The following FARP2 variants were observed in gnomAD, a reference collection of about 807,000 sequenced individuals.
The protein encoded by FARP2 is FERM, ARH/RhoGEF and pleckstrin domain protein 2.
In FARP2, 111 loss-of-function variants were observed where a neutral mutation model predicts 130.5. That is an observed-to-expected ratio of 0.85 (90% CI 0.73 to 1.00). The LOEUF (loss-of-function observed/expected upper bound fraction) is 1.00, where lower values mean the gene tolerates loss of function less well. Among genes scored for constraint, FARP2 ranks in the 50% least tolerant of loss-of-function variants. FARP2 has a pLI of 0.00. For synonymous variants in FARP2, 504 were observed against 516.9 expected (o/e 0.98, Z 0.34); for missense variants, 1,385 against 1,346.3 (o/e 1.03, Z -0.45).
At chr2:241,407,404 A>G (rs2062389087) in intron 4 of FARP2, 133 bp from the exon 5 acceptor site, 1 of 680,934 alleles carries the variant, frequency 1.5e-6, no homozygotes, top group African/African-American at 1.8e-5. Context: ...AAATTTCTTA[A>G]TATCATATTA....
intron 13 of FARP2, chr2:241,443,479 T>G (rs1223403532): frequency 6.6e-6 from 1 of 152,288 alleles, no homozygotes; most frequent in Non-Finnish European, 1.5e-5. Flanking sequence ...CCCAGGACAA[T>G]GGGAAGGGTC....
Position 241,491,192 on chromosome 2 carries a change from C to A in FARP2, c.2623+13C>A, listed in dbSNP as rs1304923499. The A allele has an allele frequency of 2.5e-6, 4 of 1,581,736 alleles. No individual in the cohort carries two copies. Among genetic ancestry groups the A allele is most frequent in the Non-Finnish European group, 3.5e-6 (4 of 1,151,468 alleles). On this transcript the variant is annotated intron_variant, in intron 23 of 26. Coordinates refer to ENST00000264042, the MANE Select transcript of FARP2 (RefSeq NM_014808.4). The stretch of plus-strand genomic sequence containing the variant: ...ACTCGTCCCCCCAGTGAGTGCTGGC[C>A]ACAACCCCCCAGGAGACCTCCACTA...
intron 7 of FARP2, 106 bp downstream of exon 7, chr2:241,413,527 A>G: frequency 2.5e-6 from 2 of 801,508 alleles, no homozygotes; most frequent in Non-Finnish European, 4.0e-6. Flanking sequence ...TTCTAACATA[A>G]GGACCATTGC....
In FARP2 at chr2:241,444,079, C is replaced by T. The variant is rs182266533; in HGVS notation, c.1411+2523C>T. ...TTTTGTAGCTTTGTTATACCTAAAC[C>T]GCAGTCTCATCATTTTGCTTATGCA... On this transcript the variant is annotated intron_variant, in intron 13 of 26. Coordinates refer to ENST00000264042, the MANE Select transcript of FARP2 (RefSeq NM_014808.4). The T allele has an allele frequency of 6.6e-5, 10 of 152,312 alleles. No homozygotes were observed. The East Asian group carries it at 1.7e-3, about 26-fold the overall frequency. 9.4% of individuals were successfully genotyped at this position (152,312 alleles called of 1,614,324 possible).
chr2:241,480,700 A>G (rs190688621), intron 19 of FARP2, among the ~76,000 whole-genome samples: 258 of 152,316 alleles, frequency 1.7e-3, no homozygotes, highest in Non-Finnish European at 2.4e-3. Flanking sequence ...GAAAAAAAAG[A>G]AAGGAAGAAA....
chr2:241,482,904 G>A lies in FARP2; in HGVS notation c.2263-561G>A, dbSNP rs922554000. Among the ~76,000 whole-genome samples the A allele has an allele frequency of 1.3e-5, 2 of 152,146 alleles. No individual in the cohort carries two copies. The highest frequency in any genetic ancestry group is 3.4e-3 in the Middle Eastern group (1 of 294). ...TCTTATCTAACGCCCTGTGGTGGAC[G>A]AGGTGGTGCTAATTTGAATACTTAG... On this transcript the variant is annotated intron_variant, in intron 19 of 26. Coordinates refer to ENST00000264042, the MANE Select transcript of FARP2 (RefSeq NM_014808.4). This position sits in a 1 kb window ranked among gnomAD's most constrained non-coding sequence, Gnocchi z 4.6.
intron 4 of FARP2, 150 bp from the exon 5 acceptor site, chr2:241,407,387 T>A: frequency 1.6e-6 from 1 of 620,976 alleles, no homozygotes. Context: ...CCACCACACC[T>A]GGGCAGAAAT....
At chr2:241,431,904 C>T (rs2063101610) in intron 9 of FARP2, 130 bp downstream of exon 9, 1 of 242,182 alleles carries the variant, frequency 4.1e-6, no homozygotes, top group African/African-American at 2.3e-5. Flanking sequence ...CACCGCAACC[C>T]TCTGCCTCCC....
At position 241,494,235 on chromosome 2, in the gene FARP2, TC is replaced by T; in HGVS notation, c.*114del. The stretch of plus-strand genomic sequence containing the variant: ...GGGAAGTGGCTGTGGTCTCACTGGA[TC>T]CCCACTGGCACCAGCAGTGTGGGTG... On this transcript the variant is annotated 3_prime_UTR_variant, in exon 27 of 27. Coordinates refer to ENST00000264042, the MANE Select transcript of FARP2 (RefSeq NM_014808.4). The surrounding 1 kb of genome is among the most constrained non-coding windows in gnomAD (Gnocchi z 4.9). The T allele has an allele frequency of 3.4e-6, 2 of 587,026 alleles. No homozygotes were observed. Among genetic ancestry groups the T allele is most frequent in the Non-Finnish European group, 5.5e-6 (2 of 361,042 alleles). The allele number at this position is 587,026 out of a possible 1,614,324, so 36.4% of individuals were successfully genotyped here.
intron 8 of FARP2, among the ~76,000 whole-genome samples, chr2:241,428,170 T>A (rs183648404): frequency 6.6e-6 from 1 of 152,146 alleles, no homozygotes; most frequent in Non-Finnish European, 1.5e-5. Context: ...TTTTGCTTTG[T>A]TTTTGAGAAT....
At chr2:241,356,484 G>A (rs2061067575) in intron 1 of FARP2, 96 bp downstream of exon 1, 1 of 152,410 alleles carries the variant, frequency 6.6e-6, no homozygotes, top group South Asian at 2.1e-4. Context: ...CCCAGGCGGG[G>A]GGGGCGCTGA....
At chr2:241,454,383 A>G (rs2302011) in intron 13 of FARP2, among the ~76,000 whole-genome samples, 36,916 of 151,934 alleles carry the variant, frequency 0.24, 5,163 homozygotes, top group East Asian at 0.55. Context: ...AGTGGGAGAC[A>G]TCTTCCTGCC....
intron 19 of FARP2, among the ~76,000 whole-genome samples, chr2:241,479,531 G>T (rs1232982543): frequency 6.6e-6 from 1 of 152,218 alleles, no homozygotes; most frequent in African/African-American, 2.4e-5. Context: ...CCGTTTCAAG[G>T]CCAGGCCTCT....
chr2:241,477,180 G>A (rs1411423616), intron 19 of FARP2, among the ~76,000 whole-genome samples: 1 of 144,964 alleles, frequency 6.9e-6, no homozygotes. Flanking sequence ...ACCAGGCTGG[G>A]GTGCAGTGCC....
At chr2:241,493,747 C>T in intron 26 of FARP2, 1 of 475,552 alleles carries the variant, frequency 2.1e-6, no homozygotes, top group Non-Finnish European at 3.7e-6. Context: ...GGCATGCACG[C>T]CACGCCGCCT....
Position 241,368,259 on chromosome 2 carries a change from G to A in FARP2, c.-24-4825G>A, listed in dbSNP as rs906512897. Among the ~76,000 whole-genome samples the A allele has an allele frequency of 4.6e-5, 7 of 152,084 alleles. No homozygotes were observed. The South Asian group carries it at 6.2e-4, about 13-fold the overall frequency. On this transcript the variant is annotated intron_variant, in intron 1 of 26. Transcript: ENST00000264042. ...GAAGACTGCAAAGCATTTCATTCAC[G>A]TTGAAAGAAGATGGCACAATAAGCT...
intron 12 of FARP2, 28 bp downstream of exon 12, chr2:241,436,566 G>A (rs753607992): frequency 3.8e-6 from 6 of 1,595,704 alleles, no homozygotes; most frequent in African/African-American, 1.3e-5. Flanking sequence ...CAACATGGGG[G>A]CAGTAGGAGT....
chr2:241,478,639 T>C, intron 19 of FARP2: 2 of 504,262 alleles, frequency 4.0e-6, no homozygotes, highest in South Asian at 1.5e-5. Flanking sequence ...ACAAAGACCT[T>C]GTGGAGGAAG....
At chr2:241,476,932 C>G (rs2064484465) in intron 19 of FARP2, among the ~76,000 whole-genome samples, 1 of 152,046 alleles carries the variant, frequency 6.6e-6, no homozygotes, top group Non-Finnish European at 1.5e-5. Context: ...TGAGGTAACC[C>G]TGTTCTGGGT....
Sources: allele counts gnomAD v4.1 joint callset (sites outside exome capture counted in the v4.1 genomes callset), GRCh38; gene constraint gnomAD v4.1.1; non-coding constraint Gnocchi (gnomAD v3.1); transcripts MANE v1.5; gene names NCBI Gene and HGNC (gene_info 2026-07-23, HGNC 2026-07-21).